TCF20: variants seen among roughly 807,000 people sequenced by gnomAD.
TCF20 encodes the protein SPRE-binding protein.
In TCF20, 3 loss-of-function variants were observed where a neutral mutation model predicts 148.6. The ratio of observed to expected loss-of-function variants is 0.02; its 90% confidence interval spans 0.01 to 0.05. TCF20 has a LOEUF of 0.05. TCF20 is among the 10% of genes least tolerant of loss of function. The probability of loss-of-function intolerance (pLI) is 1.00; values close to 1 mark genes in which losing one functional copy is unlikely to be tolerated. For synonymous variants in TCF20, 1,049 were observed against 909.5 expected (o/e 1.15, Z -2.76); for missense variants, 2,350 against 2,429.3 (o/e 0.97, Z 0.69).
At chr22:42,334,309 G>T (rs1156475580) in intron 1 of TCF20, among the ~76,000 whole-genome samples, 1 of 152,198 alleles carries the variant, frequency 6.6e-6, no homozygotes, top group Non-Finnish European at 1.5e-5. Context: ...TTTTACAGAG[G>T]AGTACACTGA....
intron 1 of TCF20, among the ~76,000 whole-genome samples, chr22:42,258,898 C>G (rs1249052162): frequency 6.6e-6 from 1 of 152,146 alleles, no homozygotes; most frequent in Non-Finnish European, 1.5e-5. Context: ...CTCTTGATCC[C>G]AGATTCTCCC....
intron 1 of TCF20, among the ~76,000 whole-genome samples, chr22:42,306,689 C>T (rs1191215147): frequency 5.3e-5 from 8 of 152,126 alleles, no homozygotes; most frequent in African/African-American, 1.7e-4. Flanking sequence ...ATGGAGCTGC[C>T]GTAGGCATTT....
At chr22:42,182,354 G>C (rs559799565) in intron 2 of TCF20, among the ~76,000 whole-genome samples, 74 of 152,238 alleles carry the variant, frequency 4.9e-4, no homozygotes, top group African/African-American at 1.7e-3. Flanking sequence ...ACAGTGGCTG[G>C]GTCAAAAGTG....
chr22:42,270,700 CGGCGCGCGGGCGGGCGGGAG>C (rs1409189442), upstream of TCF20, among the ~76,000 whole-genome samples: 5 of 114,806 alleles, frequency 4.4e-5, no homozygotes, highest in African/African-American at 6.4e-5. Context: ...CTCCGGGCCG[CGGCGCGCGGGCGGGCGGGAG>C]GGCGCGCGGC....
rs184107324 is a variant in TCF20, at chr22:42,166,834, C to T, written c.*44+1775G>A. 4.6e-5 allele frequency among the ~76,000 whole-genome samples: 7 copies of T among 152,308 alleles called. 1 individual carries two copies. Among genetic ancestry groups the T allele is most frequent in the East Asian group, 1.9e-4 (1 of 5,184 alleles). ...TAGGACACATTCCAGGAATACGCAT[C>T]GTGGTCCCCTACAGAACTTGACTCT... On this transcript the variant is annotated intron_variant, in intron 5 of 5. Coordinates refer to ENST00000677622, the MANE Select transcript of TCF20 (RefSeq NM_001378418.1).
rs750872618 is a variant in TCF20 at position 42,214,352 on chromosome 22, C to T, written c.954G>A (p.Pro318=). ...GCTGAGAAGGGTGTTGTTGTTGCTGCGGTTGCTGCTGCTGCTGCCCCTGTT... is the reference window on the plus strand; with the variant it reads ...GCTGAGAAGGGTGTTGTTGTTGCTGTGGTTGCTGCTGCTGCTGCCCCTGTT... The part of the protein sequence containing the change: ...GTQQGQQQQQ[P]QQQQHPSQHV... The change falls in exon 2 of 6, where the codon CCG becomes CCA. Residue 318 remains proline, a synonymous_variant. Transcript: ENST00000677622. 3.6e-5 allele frequency: 58 copies of T among 1,614,068 alleles called. No individual in the cohort carries two copies. The highest frequency in any genetic ancestry group is 4.5e-5 in the East Asian group (2 of 44,904).
chr22:42,255,529 A>AC (rs1569189446), intron 1 of TCF20, among the ~76,000 whole-genome samples: 137 of 131,818 alleles, frequency 1.0e-3, no homozygotes, highest in African/African-American at 1.8e-3. Flanking sequence ...AACAACAACA[A>AC]AACCACATTA....
intron 1 of TCF20, among the ~76,000 whole-genome samples, chr22:42,254,450 G>A (rs952681085): frequency 6.6e-6 from 1 of 152,230 alleles, no homozygotes; most frequent in Non-Finnish European, 1.5e-5. Context: ...AGAGTCCAGA[G>A]CCAGGGTGCC....
At chr22:42,194,274 G>A (rs988343925) in intron 2 of TCF20, among the ~76,000 whole-genome samples, 1 of 152,212 alleles carries the variant, frequency 6.6e-6, no homozygotes, top group South Asian at 2.1e-4. Context: ...GGTGGGAAGG[G>A]ATGAGGTAGG....
At chr22:42,182,455 C>CCT (rs1936825924) in intron 2 of TCF20, among the ~76,000 whole-genome samples, 1 of 152,182 alleles carries the variant, frequency 6.6e-6, no homozygotes. Flanking sequence ...ACACAGCAGG[C>CCT]CTCATCACCA....
At chr22:42,298,702 C>T (rs533426429) in intron 1 of TCF20, among the ~76,000 whole-genome samples, 1 of 152,254 alleles carries the variant, frequency 6.6e-6, no homozygotes, top group Non-Finnish European at 1.5e-5. Context: ...GGCATGGTCG[C>T]AAGTTTGCCC....
At chr22:42,241,810 G>T (rs1006114021) in intron 1 of TCF20, among the ~76,000 whole-genome samples, 3 of 152,018 alleles carry the variant, frequency 2.0e-5, no homozygotes, top group Non-Finnish European at 4.4e-5. Flanking sequence ...CCCCAGCCTG[G>T]GCGAAAGAGT....
intron 2 of TCF20, among the ~76,000 whole-genome samples, chr22:42,188,293 CAAAAA>C (rs58945649): frequency 0.011 from 557 of 49,426 alleles, 7 homozygotes; most frequent in African/African-American, 0.032. Flanking sequence ...AACTCCGTCT[CAAAAA>C]AAAAAAAAAA....
chr22:42,182,823 G>A (rs535214981), intron 2 of TCF20, among the ~76,000 whole-genome samples: 2 of 152,280 alleles, frequency 1.3e-5, no homozygotes, highest in East Asian at 1.9e-4. Context: ...TGCAACCTCC[G>A]ACTCCCATGT....
intron 1 of TCF20, among the ~76,000 whole-genome samples, chr22:42,324,294 G>A (rs1272952214): frequency 1.3e-5 from 2 of 151,810 alleles, no homozygotes; most frequent in Non-Finnish European, 2.9e-5. Context: ...TGGGAGGGAG[G>A]AGAGACGAAT....
At chr22:42,298,175 G>A (rs951305324) in intron 1 of TCF20, among the ~76,000 whole-genome samples, 4 of 152,198 alleles carry the variant, frequency 2.6e-5, no homozygotes, top group South Asian at 2.1e-4. Context: ...TCCCTAGCCC[G>A]GAGGAGGGCT....
At chr22:42,332,055 C>T (rs1261712630) in intron 1 of TCF20, among the ~76,000 whole-genome samples, 3 of 152,208 alleles carry the variant, frequency 2.0e-5, no homozygotes, top group South Asian at 2.1e-4. Context: ...CGAAAGGCAC[C>T]GGGGTCCAGC....
At chr22:42,246,061 T>C (rs982492924) in intron 1 of TCF20, among the ~76,000 whole-genome samples, 8 of 152,220 alleles carry the variant, frequency 5.3e-5, no homozygotes, top group African/African-American at 1.9e-4. Context: ...TTGGTTTCTT[T>C]TCTTCTACTC....
chr22:42,183,703 T>TGA (rs1936896110), intron 2 of TCF20, among the ~76,000 whole-genome samples: 2 of 152,086 alleles, frequency 1.3e-5, no homozygotes, highest in African/African-American at 4.8e-5. Context: ...TAAGGTGTTA[T>TGA]GACAATGATA....
Sources: gnomAD v4.1 joint callset for allele counts (sites outside exome capture counted in the v4.1 genomes callset) on GRCh38, gnomAD v4.1.1 for gene constraint, MANE v1.5 for transcripts, NCBI Gene and HGNC (gene_info 2026-07-23, HGNC 2026-07-21) for gene names.